The following SCARB1 variants were observed in gnomAD, a reference collection of about 807,000 sequenced individuals.
SCARB1 encodes scavenger receptor class B member 1.
SCARB1 carries 30 observed loss-of-function variants against 57.2 expected under a neutral mutation model. The ratio of observed to expected loss-of-function variants is 0.52; its 90% CI spans 0.39 to 0.71. SCARB1 has a LOEUF of 0.71. Among genes scored for constraint, SCARB1 ranks in the 30% least tolerant of loss-of-function variants. The pLI, the probability that SCARB1 is intolerant of heterozygous loss-of-function variation, is 0.00. For synonymous variants in SCARB1, 249 were observed against 268.3 expected, an observed-to-expected ratio of 0.93 and a Z score of 0.70; for missense variants, 543 against 671.2, an observed-to-expected ratio of 0.81 and a Z score of 2.11.
chr12:124,821,037 G>A (rs770713679), intron 1 of SCARB1, among the ~76,000 whole-genome samples: 5 of 152,116 alleles, frequency 3.3e-5, no homozygotes, highest in Admixed American at 6.5e-5. Flanking sequence ...GAGCACAGGA[G>A]TTCAAGACCA....
chr12:124,809,288 T>G (rs937788502), intron 6 of SCARB1, among the ~76,000 whole-genome samples: 5 of 152,126 alleles, frequency 3.3e-5, no homozygotes, highest in African/African-American at 1.2e-4. Flanking sequence ...AGTTTAAAAT[T>G]CAGCTTTTAA....
Position 124,792,421 on chromosome 12 carries a change from G to T in SCARB1, c.1202+2774C>A, listed in dbSNP as rs944715360. 4.6e-5 allele frequency among the ~76,000 whole-genome samples: 7 copies of T among 152,132 alleles called. No homozygotes were observed. In the East Asian group the frequency reaches 1.4e-3, roughly 29 times the overall value. On this transcript the variant is annotated intron_variant, in intron 9 of 12. Coordinates refer to ENST00000261693, the MANE Select transcript of SCARB1 (RefSeq NM_005505.5). ...ACTGGCAGGCACAATCCAGCTGCCC[G>T]CGTGAACTGTTTGTTAAGAATGTGA... is the stretch of plus-strand genomic sequence containing the variant.
chr12:124,862,618 C>G (rs1205257448), intron 1 of SCARB1: 2 of 152,246 alleles, frequency 1.3e-5, no homozygotes, highest in Admixed American at 6.5e-5. Flanking sequence ...CATCTTCACC[C>G]CAGCTCTGCA....
chr12:124,814,163 C>T lies in SCARB1; in HGVS notation c.630+39G>A, dbSNP rs368720243. ...GGCTGTGTGAGGGGAAGACAGGACA[C>T]AGGCCTGAATCTTTGGCTTCTCACC... On this transcript the variant is annotated intron_variant, in intron 4 of 12. Coordinates refer to ENST00000261693, the MANE Select transcript of SCARB1 (RefSeq NM_005505.5). The surrounding 1 kb of genome is among the most constrained non-coding windows in gnomAD (Gnocchi z 4.7). The T allele has an allele frequency of 3.2e-6, 5 of 1,584,554 alleles. No individual in the cohort carries two copies. The highest frequency in any genetic ancestry group is 4.3e-6 in the Non-Finnish European group (5 of 1,153,496).
chr12:124,834,740 A>G (rs1951560704), intron 1 of SCARB1, among the ~76,000 whole-genome samples: 1 of 152,168 alleles, frequency 6.6e-6, no homozygotes, highest in Admixed American at 6.5e-5. Context: ...TCTCATCTCT[A>G]GAACAAAATT....
At chr12:124,788,383 C>CA (rs1246187060) in intron 9 of SCARB1, among the ~76,000 whole-genome samples, 1 of 152,224 alleles carries the variant, frequency 6.6e-6, no homozygotes, top group Non-Finnish European at 1.5e-5. Flanking sequence ...GCAAGTGAGG[C>CA]TCTGTGACCA....
rs548921590 is a variant in SCARB1 at position 124,812,746 on chromosome 12, G to A, written c.631-781C>T. On this transcript the variant is annotated intron_variant, in intron 4 of 12. Transcript: ENST00000261693. The surrounding 1 kb of genome is among the most constrained non-coding windows in gnomAD (Gnocchi z 4.3). Reference sequence around the variant, plus strand: ...ACACTGAGGAGCTCCAAGGTTGCCCGGCTGAGTGACTGCACCCATCACAGA... The same window carrying A: ...ACACTGAGGAGCTCCAAGGTTGCCCAGCTGAGTGACTGCACCCATCACAGA... Among the ~76,000 whole-genome samples the A allele has an allele frequency of 4.2e-4, 64 of 152,248 alleles. 1 individual carries two copies. Among genetic ancestry groups the A allele is most frequent in the Middle Eastern group, 3.4e-3 (1 of 294 alleles).
intron 1 of SCARB1, among the ~76,000 whole-genome samples, chr12:124,859,876 C>T (rs1252746325): frequency 6.6e-6 from 1 of 150,932 alleles, no homozygotes; most frequent in Non-Finnish European, 1.5e-5. Context: ...ACATAAATAG[C>T]ACCAGAGCTT....
intron 1 of SCARB1, among the ~76,000 whole-genome samples, chr12:124,820,534 C>T (rs1201110049): frequency 6.6e-5 from 10 of 152,128 alleles, no homozygotes; most frequent in African/African-American, 1.2e-4. Flanking sequence ...TCTCAGGCCC[C>T]GATCGCCCAG....
At chr12:124,857,300 C>T (rs139957109) in intron 1 of SCARB1, among the ~76,000 whole-genome samples, 1 of 152,336 alleles carries the variant, frequency 6.6e-6, no homozygotes, top group African/African-American at 2.4e-5. Flanking sequence ...ATGAATAATG[C>T]ACATAAACAC....
intron 9 of SCARB1, among the ~76,000 whole-genome samples, chr12:124,787,685 T>A (rs149262400): frequency 6.6e-6 from 1 of 152,142 alleles, no homozygotes; most frequent in Non-Finnish European, 1.5e-5. Context: ...TAAATAAGAC[T>A]AACTTTAAAT....
intron 1 of SCARB1, among the ~76,000 whole-genome samples, chr12:124,855,400 G>A (rs563069940): frequency 7.2e-5 from 11 of 152,236 alleles, no homozygotes; most frequent in African/African-American, 2.6e-4. Context: ...GAGGAAAATC[G>A]CCCCCAACAC....
At chr12:124,799,304 C>T (rs759831919) in intron 8 of SCARB1, among the ~76,000 whole-genome samples, 10 of 152,190 alleles carry the variant, frequency 6.6e-5, no homozygotes, top group East Asian at 3.9e-4. Flanking sequence ...ACAGGAGGAT[C>T]GCTTGAGCCC....
chr12:124,843,915 C>G (rs946824695), intron 1 of SCARB1, among the ~76,000 whole-genome samples: 2 of 152,194 alleles, frequency 1.3e-5, no homozygotes, highest in African/African-American at 2.4e-5. Context: ...CCCAGACATT[C>G]TCGAAGACTA....
chr12:124,787,431 A>G lies in SCARB1; in HGVS notation c.1229T>C (p.Val410Ala), dbSNP rs990424496. Residue 410 changes from valine (V) to alanine (A), a missense_variant, in exon 10 of 13, where the codon GTC becomes GCC. Transcript: ENST00000261693. ...CTCTGCAAACCAGAGCAGCGGCAGG[A>G]CCACAGGCTCAATCTTCCCAGTTTG... ...IGQTGKIEPV[V>A]LPLLWFAESG... 6.8e-6 allele frequency: 11 copies of G among 1,613,738 alleles called. No individual in the cohort carries two copies. In the African/African-American group the frequency reaches 1.5e-4, roughly 22 times the overall value.
At chr12:124,860,230 G>A (rs1265622252) in intron 1 of SCARB1, among the ~76,000 whole-genome samples, 2 of 152,174 alleles carry the variant, frequency 1.3e-5, no homozygotes, top group Non-Finnish European at 2.9e-5. Context: ...ATCCCTGGGG[G>A]CACACATCCA....
intron 7 of SCARB1, among the ~76,000 whole-genome samples, chr12:124,802,985 G>A (rs1950185729): frequency 1.3e-5 from 2 of 152,218 alleles, no homozygotes; most frequent in South Asian, 4.1e-4. Context: ...AGGAGCAATG[G>A]AAGGAGAAGA....
intron 7 of SCARB1, among the ~76,000 whole-genome samples, chr12:124,803,414 T>A (rs887016543): frequency 1.3e-5 from 2 of 151,964 alleles, no homozygotes; most frequent in African/African-American, 2.4e-5. Flanking sequence ...TTAAAAAAAA[T>A]TTAAGAATTA....
intron 1 of SCARB1, among the ~76,000 whole-genome samples, chr12:124,856,900 T>A (rs1952657049): frequency 2.0e-5 from 3 of 152,218 alleles, no homozygotes; most frequent in Admixed American, 6.5e-5. Flanking sequence ...AACATGTCCC[T>A]GGTCTCAGAC....
Sources: gnomAD v4.1 joint callset for allele counts (sites outside exome capture counted in the v4.1 genomes callset) on GRCh38, gnomAD v4.1.1 for gene constraint, Gnocchi (gnomAD v3.1) non-coding constraint, MANE v1.5 for transcripts, NCBI Gene and HGNC (gene_info 2026-07-23, HGNC 2026-07-21) for gene names.